ZNF148: variants seen among roughly 807,000 people sequenced by gnomAD.
ZNF148 encodes Beta-Enolase Repressor Factor-1.
A neutral mutation model predicts 67.7 loss-of-function variants in ZNF148; 7 were observed. The observed-to-expected ratio is 0.10, with a 90% CI of 0.06 to 0.19. ZNF148 has a LOEUF of 0.19. Among genes scored for constraint, ZNF148 ranks in the 10% least tolerant of loss-of-function variants. ZNF148 has a pLI of 1.00. For synonymous variants in ZNF148, 333 were observed against 330.7 expected (o/e 1.01, Z -0.08); for missense variants, 583 against 947.1 (o/e 0.62, Z 5.05).
chr3:125,254,297 A>T (rs1936974297), intron 7 of ZNF148, among the ~76,000 whole-genome samples: 1 of 152,128 alleles, frequency 6.6e-6, no homozygotes, highest in Non-Finnish European at 1.5e-5. Flanking sequence ...CAAATGCATG[A>T]TCTCTTTTGA....
chr3:125,258,151 G>A (rs1011983060), intron 7 of ZNF148, among the ~76,000 whole-genome samples: 21 of 151,854 alleles, frequency 1.4e-4, no homozygotes, highest in South Asian at 4.2e-4. Context: ...AGCTGGGTGC[G>A]GTGGCTCACG....
chr3:125,317,640 C>CTT (rs1160224411), intron 3 of ZNF148, among the ~76,000 whole-genome samples: 24 of 39,446 alleles, frequency 6.1e-4, no homozygotes, highest in African/African-American at 2.1e-3. Flanking sequence ...ATAGTAAGAT[C>CTT]TTTTATATAT....
intron 2 of ZNF148, among the ~76,000 whole-genome samples, chr3:125,329,736 C>T (rs1332713177): frequency 3.3e-5 from 5 of 151,072 alleles, no homozygotes; most frequent in Non-Finnish European, 5.9e-5. Flanking sequence ...AAAAAAAAAG[C>T]CTAAATATCC....
chr3:125,342,020 T>G (rs769108214), intron 1 of ZNF148, among the ~76,000 whole-genome samples: 1 of 148,998 alleles, frequency 6.7e-6, no homozygotes, highest in Non-Finnish European at 1.5e-5. Context: ...ATGGAAATCA[T>G]GGGGAAGAGA....
At chr3:125,329,142 A>T (rs1198987267) in intron 2 of ZNF148, among the ~76,000 whole-genome samples, 1 of 150,720 alleles carries the variant, frequency 6.6e-6, no homozygotes, top group Non-Finnish European at 1.5e-5. Flanking sequence ...CACCTATCAT[A>T]ATAAACATGA....
At chr3:125,234,082 T>C in intron 8 of ZNF148, 129 bp downstream of exon 8, 2 of 1,266,798 alleles carry the variant, frequency 1.6e-6, no homozygotes, top group South Asian at 1.5e-5. Context: ...GCCAATTTTC[T>C]ATTATAAATC....
intron 2 of ZNF148, among the ~76,000 whole-genome samples, chr3:125,326,720 A>G (rs1941036251): frequency 1.4e-5 from 2 of 147,032 alleles, no homozygotes; most frequent in Admixed American, 6.8e-5. Context: ...CTTTTTATAT[A>G]TGTATATAAA....
chr3:125,366,888 C>T (rs1050232642), intron 1 of ZNF148, among the ~76,000 whole-genome samples: 1 of 152,002 alleles, frequency 6.6e-6, no homozygotes, highest in African/African-American at 2.4e-5. Flanking sequence ...GCTAAAATTC[C>T]ACTTTTATGC....
chr3:125,234,467 T>A, intron 7 of ZNF148, 138 bp from the exon 8 acceptor site: 1 of 638,888 alleles, frequency 1.6e-6, no homozygotes, highest in East Asian at 2.7e-5. Context: ...TTTTGCTTTA[T>A]AAAAATGAAA....
chr3:125,246,413 C>T (rs1295554911), intron 7 of ZNF148, among the ~76,000 whole-genome samples: 1 of 152,198 alleles, frequency 6.6e-6, no homozygotes, highest in Non-Finnish European at 1.5e-5. Flanking sequence ...ACAGGTTCTA[C>T]AGCCAGATGA....
intron 1 of ZNF148, among the ~76,000 whole-genome samples, chr3:125,341,931 G>A (rs1040375964): frequency 2.0e-5 from 3 of 151,194 alleles, no homozygotes; most frequent in East Asian, 3.9e-4. Context: ...GGGAGGTGGT[G>A]GCTGCAGTGA....
chr3:125,356,060 A>G (rs1280264901), intron 1 of ZNF148, among the ~76,000 whole-genome samples: 1 of 152,190 alleles, frequency 6.6e-6, no homozygotes, highest in Non-Finnish European at 1.5e-5. Context: ...TCCCCCCGTT[A>G]AAAACCATAA....
intron 3 of ZNF148, among the ~76,000 whole-genome samples, chr3:125,321,933 G>A (rs1374302601): frequency 6.7e-6 from 1 of 148,588 alleles, no homozygotes; most frequent in Admixed American, 6.7e-5. Context: ...ACTATGCCTA[G>A]ATTGCTAATG....
At chr3:125,320,668 T>A (rs1485938968) in intron 3 of ZNF148, among the ~76,000 whole-genome samples, 1 of 152,194 alleles carries the variant, frequency 6.6e-6, no homozygotes, top group African/African-American at 2.4e-5. Context: ...ACAAATTCAG[T>A]AATACCTCTT....
chr3:125,356,042 A>G (rs1942331077), intron 1 of ZNF148, among the ~76,000 whole-genome samples: 2 of 152,194 alleles, frequency 1.3e-5, no homozygotes, highest in Admixed American at 6.5e-5. Flanking sequence ...CGCATGAAAA[A>G]TATATCTTCC....
At chr3:125,340,769 G>A (rs140894677) in intron 1 of ZNF148, among the ~76,000 whole-genome samples, 12,355 of 151,786 alleles carry the variant, frequency 0.081, 605 homozygotes, top group Non-Finnish European at 0.098. Flanking sequence ...GGCGGATCAC[G>A]AGGTCAGGAG....
At chr3:125,334,663 A>G (rs1265377938) in intron 1 of ZNF148, among the ~76,000 whole-genome samples, 1 of 152,180 alleles carries the variant, frequency 6.6e-6, no homozygotes, top group East Asian at 1.9e-4. Flanking sequence ...CACATTTTAC[A>G]GATGACAAAA....
chr3:125,266,078 C>T (rs1037542229), intron 7 of ZNF148, among the ~76,000 whole-genome samples: 3 of 152,032 alleles, frequency 2.0e-5, no homozygotes, highest in African/African-American at 4.8e-5. Context: ...AAAGCAAATA[C>T]GTCTAAACCT....
intron 7 of ZNF148, among the ~76,000 whole-genome samples, chr3:125,263,785 A>C (rs1172165458): frequency 1.4e-5 from 2 of 142,082 alleles, no homozygotes; most frequent in Non-Finnish European, 3.0e-5. Context: ...TTCCTGGGTG[A>C]TAGAAGCCTC....
Sources: allele counts gnomAD v4.1 joint callset (sites outside exome capture counted in the v4.1 genomes callset), GRCh38; gene constraint gnomAD v4.1.1; transcripts MANE v1.5; gene names NCBI Gene and HGNC (gene_info 2026-07-23, HGNC 2026-07-21).